KCNJ15: variants seen among roughly 807,000 people sequenced by gnomAD.
KCNJ15 encodes ATP-sensitive inward rectifier potassium channel 15.
KCNJ15 carries 14 observed loss-of-function variants against 23.0 expected under a neutral mutation model. The observed-to-expected ratio is 0.61, with a 90% CI of 0.40 to 0.95. The LOEUF (loss-of-function observed/expected upper bound fraction) is 0.95, where lower values mean the gene tolerates loss of function less well. KCNJ15 is among the 40% of genes least tolerant of loss of function. The pLI is 0.00. For missense variants in KCNJ15, 388 were observed against 461.8 expected (o/e 0.84, Z 1.46); for synonymous variants, 185 against 183.2 (o/e 1.01, Z -0.08).
intron 1 of KCNJ15, among the ~76,000 whole-genome samples, chr21:38,282,314 A>T (rs375823416): frequency 6.6e-6 from 1 of 152,178 alleles, no homozygotes; most frequent in Non-Finnish European, 1.5e-5. Context: ...GCCGAAAGGA[A>T]TCTTAGAACT....
intron 1 of KCNJ15, among the ~76,000 whole-genome samples, chr21:38,271,947 G>A (rs1033810147): frequency 6.6e-6 from 1 of 152,134 alleles, no homozygotes; most frequent in Non-Finnish European, 1.5e-5. Context: ...AAAAAGAAAC[G>A]GCCAAAACCT....
Position 38,299,097 on chromosome 21 carries a change from T to G in KCNJ15, c.-18-147T>G. The stretch of plus-strand genomic sequence containing the variant: ...TCCTCACTCTACCCTACCGACCACC[T>G]AAGTATAGATCAGTTAATCTTGCCT... On this transcript the variant is annotated intron_variant, in intron 2 of 2. Coordinates refer to ENST00000398938, the MANE Select transcript of KCNJ15 (RefSeq NM_170736.3). This position sits in a 1 kb window ranked among gnomAD's most constrained non-coding sequence, Gnocchi z 4.5. 1 of 674,586 alleles carries G rather than the reference T, an allele frequency of 1.5e-6. No homozygotes were observed. Among genetic ancestry groups the G allele is most frequent in the Admixed American group, 2.9e-5 (1 of 34,332 alleles). The allele number at this position is 674,586 out of a possible 1,614,324, so 41.8% of individuals were successfully genotyped here.
chr21:38,298,469 T>G (rs1378883818), intron 2 of KCNJ15, among the ~76,000 whole-genome samples: 2 of 152,228 alleles, frequency 1.3e-5, no homozygotes, highest in Non-Finnish European at 2.9e-5. Flanking sequence ...AGCATATTGA[T>G]CAAGCCATTA....
At chr21:38,287,421 T>A (rs1459609474) in intron 1 of KCNJ15, among the ~76,000 whole-genome samples, 2 of 152,256 alleles carry the variant, frequency 1.3e-5, no homozygotes, top group Non-Finnish European at 2.9e-5. Context: ...TCCCTAGGGA[T>A]GCCAGATTTA....
Position 38,299,213 on chromosome 21 carries a change from G to T in KCNJ15, c.-18-31G>T. The T allele has an allele frequency of 6.6e-7, 1 of 1,509,230 alleles. No homozygotes were observed. The highest frequency in any genetic ancestry group is 1.2e-5 in the South Asian group (1 of 81,076). The allele number at this position is 1,509,230 out of a possible 1,614,324, so 93.5% of individuals were successfully genotyped here. ...TTCTGGAAGTTCCACCACATATGGC[G>T]ATAATGAAACATCTTTGTCATTTCT... On this transcript the variant is annotated intron_variant, in intron 2 of 2. Coordinates refer to ENST00000398938, the MANE Select transcript of KCNJ15 (RefSeq NM_170736.3). The surrounding 1 kb of genome is among the most constrained non-coding windows in gnomAD (Gnocchi z 4.5).
upstream of KCNJ15, among the ~76,000 whole-genome samples, chr21:38,255,847 T>C (rs1190632983): frequency 2.2e-4 from 34 of 152,264 alleles, no homozygotes; most frequent in Non-Finnish European, 8.8e-5. Flanking sequence ...AGCAAAGTGT[T>C]CCTCACCCTG....
chr21:38,276,788 T>C lies in KCNJ15; in HGVS notation c.-117+19603T>C, dbSNP rs1982747295. On this transcript the variant is annotated intron_variant, in intron 1 of 2. Transcript: ENST00000398938. ...TTATTTCTCAAAGAAAACATCTGAA[T>C]TCATACTTTAAAAATATTTTTTAAA... Among the ~76,000 whole-genome samples the C allele has an allele frequency of 2.0e-5, 3 of 152,182 alleles. No homozygotes were observed. In the South Asian group the frequency reaches 6.2e-4, roughly 32 times the overall value.
At chr21:38,291,349 A>G (rs1054533289) in intron 1 of KCNJ15, among the ~76,000 whole-genome samples, 3 of 152,084 alleles carry the variant, frequency 2.0e-5, no homozygotes, top group Non-Finnish European at 4.4e-5. Flanking sequence ...AATGATACCC[A>G]TTATCCAAGG....
chr21:38,283,526 T>G (rs1444591636), intron 1 of KCNJ15, among the ~76,000 whole-genome samples: 2 of 152,246 alleles, frequency 1.3e-5, no homozygotes, highest in Non-Finnish European at 1.5e-5. Context: ...GAGTGTTTTA[T>G]AAATTTAAAA....
chr21:38,284,800 G>A (rs1983719771), intron 1 of KCNJ15, among the ~76,000 whole-genome samples: 1 of 152,086 alleles, frequency 6.6e-6, no homozygotes, highest in South Asian at 2.1e-4. Flanking sequence ...TCGTTTCCTG[G>A]AAGGTGCCAA....
chr21:38,290,002 G>A (rs1229793572), intron 1 of KCNJ15, among the ~76,000 whole-genome samples: 1 of 152,212 alleles, frequency 6.6e-6, no homozygotes, highest in Admixed American at 6.5e-5. Flanking sequence ...ACTCTATAGG[G>A]AAGTTAGTTG....
At chr21:38,238,044 A>T in intron 1 of KCNJ15, 1 of 255,640 alleles carries the variant, frequency 3.9e-6, no homozygotes. Context: ...TCCCCACCGT[A>T]GGATACTGTT....
At chr21:38,276,188 G>T (rs563498308) in intron 1 of KCNJ15, among the ~76,000 whole-genome samples, 1 of 151,890 alleles carries the variant, frequency 6.6e-6, no homozygotes, top group Admixed American at 6.6e-5. Flanking sequence ...ATATCAAATG[G>T]TATACTTTCG....
chr21:38,287,940 A>G (rs1474931473), intron 1 of KCNJ15, among the ~76,000 whole-genome samples: 1 of 151,784 alleles, frequency 6.6e-6, no homozygotes, highest in Non-Finnish European at 1.5e-5. Context: ...TATATCAGAG[A>G]AATGTGGTCA....
At chr21:38,273,664 A>G (rs1055789384) in intron 1 of KCNJ15, among the ~76,000 whole-genome samples, 5 of 152,252 alleles carry the variant, frequency 3.3e-5, no homozygotes, top group Admixed American at 3.3e-4. Flanking sequence ...CCATAAAACT[A>G]ATAGCTTTGT....
At chr21:38,257,583 T>C (rs946669649) in intron 1 of KCNJ15, among the ~76,000 whole-genome samples, 5 of 152,226 alleles carry the variant, frequency 3.3e-5, no homozygotes, top group Admixed American at 3.3e-4. Flanking sequence ...CTTTCCTTTG[T>C]CAATGGGGAA....
intron 1 of KCNJ15, among the ~76,000 whole-genome samples, chr21:38,268,307 C>T (rs1220059614): frequency 6.6e-6 from 1 of 152,096 alleles, no homozygotes; most frequent in African/African-American, 2.4e-5. Context: ...AACCTACCTA[C>T]AGTTTCAAGT....
intron 1 of KCNJ15, among the ~76,000 whole-genome samples, chr21:38,284,697 A>C (rs1412624666): frequency 6.6e-6 from 1 of 152,194 alleles, no homozygotes; most frequent in African/African-American, 2.4e-5. Flanking sequence ...GACGGTCCTC[A>C]AGGAGCCCAC....
chr21:38,246,544 C>T (rs1979382585), intron 1 of KCNJ15, among the ~76,000 whole-genome samples: 1 of 152,048 alleles, frequency 6.6e-6, no homozygotes, highest in Non-Finnish European at 1.5e-5. Flanking sequence ...GTTACAGTGA[C>T]CTGGAGGTAA....
Sources: allele counts gnomAD v4.1 joint callset (sites outside exome capture counted in the v4.1 genomes callset), GRCh38; gene constraint gnomAD v4.1.1; non-coding constraint Gnocchi (gnomAD v3.1); transcripts MANE v1.5; gene names NCBI Gene and HGNC (gene_info 2026-07-23, HGNC 2026-07-21).